PPP6C: variants seen among roughly 807,000 people sequenced by gnomAD.
PPP6C encodes serine/threonine-protein phosphatase 6 catalytic subunit.
Under a neutral mutation model 39.8 loss-of-function variants are expected in PPP6C, and 11 were observed. That is an observed-to-expected ratio of 0.28 (90% CI 0.17 to 0.46). PPP6C has a LOEUF of 0.46. Ranked by LOEUF, PPP6C falls within the 20% of genes least tolerant of loss-of-function variation. The probability of loss-of-function intolerance (pLI) is 1.00; values close to 1 mark genes in which losing one functional copy is unlikely to be tolerated. For missense variants in PPP6C, 211 were observed against 373.9 expected (o/e 0.56, Z 3.59); for synonymous variants, 129 against 130.3 (o/e 0.99, Z 0.07).
In PPP6C at chr9:125,175,405, G is replaced by A. The variant is rs79551994; in HGVS notation, c.76-4225C>T. ...TGTAATCCCAGCACTTTGGGAGGCCGAGGCGGGTGGATCACGAGGTCAGGA... is the reference window on the plus strand; with the variant it reads ...TGTAATCCCAGCACTTTGGGAGGCCAAGGCGGGTGGATCACGAGGTCAGGA... On this transcript the variant is annotated intron_variant, in intron 1 of 6. Coordinates refer to ENST00000373547, the MANE Select transcript of PPP6C (RefSeq NM_002721.5). Among the ~76,000 whole-genome samples the A allele has an allele frequency of 0.018, 2,801 of 151,778 alleles. 161 individuals carry two copies. The East Asian group carries it at 0.23, about 12-fold the overall frequency.
intron 4 of PPP6C, among the ~76,000 whole-genome samples, chr9:125,157,838 A>G (rs1323754202): frequency 6.6e-6 from 1 of 151,712 alleles, no homozygotes; most frequent in African/African-American, 2.4e-5. Context: ...TTACATGCAC[A>G]CACCACCACG....
intron 1 of PPP6C, 113 bp from the exon 2 acceptor site, chr9:125,171,293 TTG>T: frequency 1.3e-6 from 1 of 760,384 alleles, no homozygotes; most frequent in Non-Finnish European, 2.0e-6. Context: ...AGTATACTTT[TTG>T]ATAGGAAAGT....
At chr9:125,188,965 T>C (rs1441488622) in intron 1 of PPP6C, 19 of 1,542,660 alleles carry the variant, frequency 1.2e-5, no homozygotes, top group Middle Eastern at 1.7e-4. Flanking sequence ...AAGAAGGGGT[T>C]AAGGAGAAAG....
At chr9:125,171,458 T>TACACACACAC (rs1192828575) in intron 1 of PPP6C, among the ~76,000 whole-genome samples, 3 of 32,294 alleles carry the variant, frequency 9.3e-5, no homozygotes, top group African/African-American at 3.3e-4. Context: ...CACACACACA[T>TACACACACAC]ATACACACAC....
chr9:125,180,208 C>T (rs10986615), intron 1 of PPP6C, among the ~76,000 whole-genome samples: 2,301 of 152,282 alleles, frequency 0.015, 108 homozygotes, highest in Admixed American at 0.082. Context: ...ACCTTGACCA[C>T]AACCACTCAA....
intron 1 of PPP6C, among the ~76,000 whole-genome samples, chr9:125,174,682 G>A (rs1458315505): frequency 6.6e-6 from 1 of 151,902 alleles, no homozygotes; most frequent in Non-Finnish European, 1.5e-5. Flanking sequence ...GGCTCAGGCA[G>A]GTGGATCATT....
At chr9:125,182,630 G>A (rs1387210221) in intron 1 of PPP6C, among the ~76,000 whole-genome samples, 1 of 151,654 alleles carries the variant, frequency 6.6e-6, no homozygotes, top group Non-Finnish European at 1.5e-5. Context: ...TGATCCAGAA[G>A]GTAGTATCTG....
At chr9:125,173,377 A>G (rs1829217065) in intron 1 of PPP6C, among the ~76,000 whole-genome samples, 1 of 140,132 alleles carries the variant, frequency 7.1e-6, no homozygotes, top group South Asian at 2.4e-4. Flanking sequence ...ATTGCACTCC[A>G]GCCTGGGCAG....
intron 1 of PPP6C, among the ~76,000 whole-genome samples, chr9:125,184,583 G>A (rs1351647465): frequency 6.6e-6 from 1 of 151,144 alleles, no homozygotes; most frequent in African/African-American, 2.4e-5. Context: ...AGAAGAAGAA[G>A]AAACAAGTAT....
Position 125,148,028 on chromosome 9 carries a change from T to C in PPP6C, c.*1645A>G, listed in dbSNP as rs1549314. ...GCAAATGTCTTAGCCACCTCTTTCA[T>C]ATAGCTATATAATTAAAAACTATGT... On this transcript the variant is annotated 3_prime_UTR_variant, in exon 7 of 7. Transcript: ENST00000373547. 5.4e-6 allele frequency: 1 copy of C among 185,956 alleles called. No individual in the cohort carries two copies. The highest frequency in any genetic ancestry group is 2.4e-5 in the African/African-American group (1 of 41,464). 11.5% of individuals were successfully genotyped at this position (185,956 alleles called of 1,614,324 possible). A position where few individuals can be genotyped will look rare whatever the true frequency, so the allele number is the denominator to read the frequency against.
chr9:125,163,416 T>C (rs2131314843), intron 2 of PPP6C, among the ~76,000 whole-genome samples: 1 of 152,336 alleles, frequency 6.6e-6, no homozygotes, highest in Non-Finnish European at 1.5e-5. Flanking sequence ...TATTGATGTT[T>C]ACAGATATGT....
intron 1 of PPP6C, among the ~76,000 whole-genome samples, chr9:125,181,191 C>T (rs946931923): frequency 6.6e-6 from 1 of 152,162 alleles, no homozygotes; most frequent in African/African-American, 2.4e-5. Flanking sequence ...CTCAAAGAGC[C>T]CTGCCTTGTC....
At chr9:125,153,501 A>G in intron 6 of PPP6C, 32 bp downstream of exon 6, 5 of 1,599,300 alleles carry the variant, frequency 3.1e-6, no homozygotes, top group Non-Finnish European at 4.3e-6. Context: ...TTAGCAATCC[A>G]CAAATTACAT....
At chr9:125,157,092 T>C (rs369601735) in intron 4 of PPP6C, among the ~76,000 whole-genome samples, 8 of 151,902 alleles carry the variant, frequency 5.3e-5, no homozygotes, top group African/African-American at 1.9e-4. Context: ...AACTCGTCAT[T>C]TACATTAGGT....
intron 1 of PPP6C, among the ~76,000 whole-genome samples, chr9:125,183,806 T>G (rs1049013229): frequency 6.6e-6 from 1 of 152,316 alleles, no homozygotes; most frequent in African/African-American, 2.4e-5. Context: ...ACATACTGCT[T>G]CTTCTGTTTG....
intron 1 of PPP6C, among the ~76,000 whole-genome samples, chr9:125,171,500 T>C (rs1391826478): frequency 7.6e-5 from 8 of 104,820 alleles, no homozygotes; most frequent in South Asian, 3.2e-4. Flanking sequence ...TATATATATA[T>C]ATATATATAT....
intron 1 of PPP6C, among the ~76,000 whole-genome samples, chr9:125,176,705 T>C (rs1470877308): frequency 6.6e-6 from 1 of 152,048 alleles, no homozygotes; most frequent in East Asian, 1.9e-4. Flanking sequence ...GAGGGGTGGC[T>C]GGGCTGGGGT....
intron 1 of PPP6C, among the ~76,000 whole-genome samples, chr9:125,185,973 G>A (rs77288507): frequency 0.018 from 2,759 of 152,072 alleles, 131 homozygotes; most frequent in African/African-American, 0.063. Context: ...CAACAAGAGC[G>A]AACAAACAAA....
At chr9:125,189,554 C>T (rs936325196) in intron 1 of PPP6C, 90 bp downstream of exon 1, 31 of 1,588,596 alleles carry the variant, frequency 2.0e-5, no homozygotes, top group African/African-American at 1.6e-4. Context: ...CGCGACTGGA[C>T]TGGATACCCG....
Sources: allele counts gnomAD v4.1 joint callset (sites outside exome capture counted in the v4.1 genomes callset), GRCh38; gene constraint gnomAD v4.1.1; transcripts MANE v1.5; gene names NCBI Gene and HGNC (gene_info 2026-07-23, HGNC 2026-07-21).